CDKAL1: variants seen among roughly 807,000 people sequenced by gnomAD.
CDKAL1 encodes threonylcarbamoyladenosine tRNA methylthiotransferase.
A neutral mutation model predicts 68.2 loss-of-function variants in CDKAL1; 32 were observed. The ratio of observed to expected loss-of-function variants is 0.47; its 90% CI spans 0.35 to 0.63. The LOEUF (loss-of-function observed/expected upper bound fraction) is 0.63, where lower values mean the gene tolerates loss of function less well. CDKAL1 is among the 30% of genes least tolerant of loss of function. The pLI is 0.00. For synonymous variants in CDKAL1, 234 were observed against 244.3 expected (o/e 0.96, Z 0.39); for missense variants, 606 against 696.7 (o/e 0.87, Z 1.47).
intron 4 of CDKAL1, among the ~76,000 whole-genome samples, chr6:20,571,380 C>T (rs1352153833): frequency 1.5e-4 from 23 of 152,096 alleles, no homozygotes; most frequent in Admixed American, 1.5e-3. Flanking sequence ...AAGACAGATG[C>T]AGTCTTATCC....
chr6:21,168,897 A>G (rs554292747), intron 13 of CDKAL1, among the ~76,000 whole-genome samples: 2 of 152,166 alleles, frequency 1.3e-5, no homozygotes, highest in East Asian at 1.9e-4. Context: ...CTTTATAAAT[A>G]TCCTTCTTCG....
chr6:20,639,964 G>A (rs1768093383), intron 4 of CDKAL1, among the ~76,000 whole-genome samples: 1 of 152,168 alleles, frequency 6.6e-6, no homozygotes, highest in African/African-American at 2.4e-5. Flanking sequence ...CCACCGCGCC[G>A]ACCATTTTCA....
intron 13 of CDKAL1, among the ~76,000 whole-genome samples, chr6:21,128,927 A>C (rs1031368513): frequency 6.6e-6 from 1 of 152,212 alleles, no homozygotes; most frequent in Non-Finnish European, 1.5e-5. Context: ...ACTATTTTGG[A>C]CAGTTTTCAA....
At chr6:20,719,208 T>A (rs1198086796) in intron 5 of CDKAL1, among the ~76,000 whole-genome samples, 1 of 152,130 alleles carries the variant, frequency 6.6e-6, no homozygotes, top group African/African-American at 2.4e-5. Flanking sequence ...GGCAGATGAG[T>A]TCTGTGTACA....
intron 4 of CDKAL1, among the ~76,000 whole-genome samples, chr6:20,630,525 G>T (rs1767632134): frequency 6.6e-6 from 1 of 151,036 alleles, no homozygotes. Flanking sequence ...ACCTTTTCAT[G>T]AAGAGTGGTT....
chr6:21,097,376 G>C (rs928456877), intron 12 of CDKAL1, among the ~76,000 whole-genome samples: 1 of 152,166 alleles, frequency 6.6e-6, no homozygotes, highest in Non-Finnish European at 1.5e-5. Context: ...AGGCTGACAG[G>C]AGAATTGCTT....
chr6:20,749,456 A>C (rs1773817439), intron 6 of CDKAL1, among the ~76,000 whole-genome samples: 1 of 152,050 alleles, frequency 6.6e-6, no homozygotes, highest in Non-Finnish European at 1.5e-5. Context: ...GGGTCCCTGG[A>C]CTGATGCTAC....
Position 21,062,046 on chromosome 6 carries a change from T to C in CDKAL1, c.1056-3002T>C, listed in dbSNP as rs115946143. On this transcript the variant is annotated intron_variant, in intron 11 of 15. Transcript: ENST00000274695. Reference sequence around the variant, plus strand: ...TATGACTTCTTTAAAGGTTTCTCTTTTGTCACTATGACCCTTAAGGCCAAA... The same window carrying C: ...TATGACTTCTTTAAAGGTTTCTCTTCTGTCACTATGACCCTTAAGGCCAAA... 3.8e-3 allele frequency among the ~76,000 whole-genome samples: 581 copies of C among 152,314 alleles called. 7 individuals carry two copies. Among genetic ancestry groups the C allele is most frequent in the African/African-American group, 0.013 (557 of 41,572 alleles).
intron 11 of CDKAL1, among the ~76,000 whole-genome samples, chr6:21,049,808 T>C (rs1014408309): frequency 6.6e-6 from 1 of 150,948 alleles, no homozygotes; most frequent in African/African-American, 2.5e-5. Context: ...CATCCAGTTG[T>C]CTCTCATCCT....
chr6:20,612,819 C>G (rs1766677554), intron 4 of CDKAL1, among the ~76,000 whole-genome samples: 2 of 152,016 alleles, frequency 1.3e-5, no homozygotes, highest in South Asian at 4.1e-4. Flanking sequence ...TTTGCCTAGA[C>G]CAATGTCCTG....
intron 5 of CDKAL1, among the ~76,000 whole-genome samples, chr6:20,731,301 G>T (rs1462265823): frequency 6.6e-6 from 1 of 152,188 alleles, no homozygotes; most frequent in Non-Finnish European, 1.5e-5. Flanking sequence ...AAAGTCTAAG[G>T]GAATGAAGAT....
In CDKAL1 at chr6:20,927,851, G is replaced by A. The variant is rs181804805; in HGVS notation, c.743-27568G>A. Reference sequence around the variant, plus strand: ...TCTTTAGTAGTTATCTTGACCTTTAGGAGTGTTACTGAATATAAAAATTAT... The same window carrying A: ...TCTTTAGTAGTTATCTTGACCTTTAAGAGTGTTACTGAATATAAAAATTAT... On this transcript the variant is annotated intron_variant, in intron 9 of 15. Transcript: ENST00000274695. Among the ~76,000 whole-genome samples, 127 of 151,972 alleles carry A rather than the reference G, an allele frequency of 8.4e-4. 2 individuals carry two copies. The highest frequency in any genetic ancestry group is 2.8e-3 in the African/African-American group (117 of 41,468).
At chr6:20,600,746 A>T (rs1766046639) in intron 4 of CDKAL1, among the ~76,000 whole-genome samples, 1 of 147,886 alleles carries the variant, frequency 6.8e-6, no homozygotes, top group Admixed American at 6.8e-5. Context: ...AAAAACCTGG[A>T]TGGAGAGAGA....
At position 21,143,868 on chromosome 6, in the gene CDKAL1, G is replaced by C. The variant is rs545600645; in HGVS notation, c.1299+35405G>C. On this transcript the variant is annotated intron_variant, in intron 13 of 15. Coordinates refer to ENST00000274695, the MANE Select transcript of CDKAL1 (RefSeq NM_017774.3). ...TGTTGCTGCTCTCTGTTGAATACCC[G>C]GTGACAGCCTGTCTGGATCGACTCA... 1.1e-4 allele frequency among the ~76,000 whole-genome samples: 17 copies of C among 152,206 alleles called. No individual in the cohort carries two copies. The South Asian group carries it at 3.5e-3, about 32-fold the overall frequency.
At chr6:20,928,835 C>T (rs1315773523) in intron 9 of CDKAL1, among the ~76,000 whole-genome samples, 1 of 151,812 alleles carries the variant, frequency 6.6e-6, no homozygotes, top group Non-Finnish European at 1.5e-5. Flanking sequence ...GTCCAGTTCT[C>T]CAGTATTCTT....
chr6:20,911,985 T>G (rs1309017313), intron 9 of CDKAL1, among the ~76,000 whole-genome samples: 3 of 152,150 alleles, frequency 2.0e-5, no homozygotes. Context: ...GAGATCAAAG[T>G]CAGATGGGAT....
chr6:20,924,167 G>T (rs2150658204), intron 9 of CDKAL1, among the ~76,000 whole-genome samples: 1 of 150,764 alleles, frequency 6.6e-6, no homozygotes, highest in Admixed American at 6.6e-5. Context: ...ATAAGAAAGT[G>T]AAACAGCCTT....
At chr6:20,715,465 CTT>C (rs1772046610) in intron 5 of CDKAL1, among the ~76,000 whole-genome samples, 1 of 152,176 alleles carries the variant, frequency 6.6e-6, no homozygotes, top group African/African-American at 2.4e-5. Flanking sequence ...TCCATAGACA[CTT>C]AAGTTGTTTC....
At chr6:20,728,991 G>A (rs538617811) in intron 5 of CDKAL1, among the ~76,000 whole-genome samples, 86 of 152,198 alleles carry the variant, frequency 5.7e-4, no homozygotes, top group African/African-American at 2.0e-3. Context: ...ATAACATATG[G>A]CATTTGTGAT....
Sources: allele counts gnomAD v4.1 joint callset (sites outside exome capture counted in the v4.1 genomes callset), GRCh38; gene constraint gnomAD v4.1.1; transcripts MANE v1.5; gene names NCBI Gene and HGNC (gene_info 2026-07-23, HGNC 2026-07-21).